The following TMEM126A variants were observed in gnomAD, a reference collection of about 807,000 sequenced individuals.
The protein encoded by TMEM126A is transmembrane protein 126A, also known as optic atrophy 7.
Under a neutral mutation model 18.3 loss-of-function variants are expected in TMEM126A, and 10 were observed. That is an observed-to-expected ratio of 0.55 (90% confidence interval 0.34 to 0.93). TMEM126A has a LOEUF of 0.93. TMEM126A is among the 40% of genes least tolerant of loss of function. The pLI, the probability that TMEM126A is intolerant of heterozygous loss-of-function variation, is 0.02. For synonymous variants in TMEM126A, 68 were observed against 78.1 expected, an observed-to-expected ratio of 0.87 and a Z score of 0.68; for missense variants, 246 against 230.2, an observed-to-expected ratio of 1.07 and a Z score of -0.44.
At chr11:85,648,971 C>G (rs568142963) in intron 1 of TMEM126A, among the ~76,000 whole-genome samples, 17 of 145,524 alleles carry the variant, frequency 1.2e-4, no homozygotes, top group African/African-American at 3.6e-4. Flanking sequence ...GAGTCTCGCT[C>G]TCACCCAGGC....
Position 85,656,295 on chromosome 11 carries a change from A to G in TMEM126A, c.396-14A>G, listed in dbSNP as rs758117858. 33 of 1,608,382 alleles carry G rather than the reference A, an allele frequency of 2.1e-5. No homozygotes were observed. The highest frequency in any genetic ancestry group is 9.9e-5 in the South Asian group (9 of 90,888). On this transcript the variant is annotated splice_polypyrimidine_tract_variant and intron_variant, in intron 4 of 4. Coordinates refer to ENST00000304511, the MANE Select transcript of TMEM126A (RefSeq NM_032273.4). ...CAATCTTTTCTATTGAACTATCTCA[A>G]TGTTTTCTTACAGGTATCAATCAGC...
chr11:85,653,634 T>C (rs2153313140), intron 2 of TMEM126A, among the ~76,000 whole-genome samples: 1 of 152,312 alleles, frequency 6.6e-6, no homozygotes, highest in East Asian at 1.9e-4. Context: ...TGCTTAAATG[T>C]TAATACTCCC....
At chr11:85,656,223 C>A in intron 4 of TMEM126A, 86 bp from the exon 5 acceptor site, 1 of 1,159,194 alleles carries the variant, frequency 8.6e-7, no homozygotes, top group Non-Finnish European at 1.3e-6. Context: ...TATCTTAAGA[C>A]TTCTAGGACT....
chr11:85,656,283 T>G (rs746585680), intron 4 of TMEM126A, 26 bp from the exon 5 acceptor site: 1 of 1,600,880 alleles, frequency 6.2e-7, no homozygotes, highest in Non-Finnish European at 8.5e-7. Flanking sequence ...TCTTTTCTAT[T>G]GAACTATCTC....
chr11:85,654,821 T>C (rs2153313455), intron 3 of TMEM126A, among the ~76,000 whole-genome samples: 1 of 151,048 alleles, frequency 6.6e-6, no homozygotes, highest in East Asian at 1.9e-4. Context: ...TGGAAATCCA[T>C]ATATACATAT....
chr11:85,649,131 C>T (rs2082482094), intron 1 of TMEM126A, among the ~76,000 whole-genome samples: 1 of 152,152 alleles, frequency 6.6e-6, no homozygotes, highest in Non-Finnish European at 1.5e-5. Flanking sequence ...CAGGGAGTTT[C>T]ACCATGTTGG....
chr11:85,652,474 C>G (rs1409678056), intron 2 of TMEM126A, among the ~76,000 whole-genome samples: 1 of 152,156 alleles, frequency 6.6e-6, no homozygotes, highest in Non-Finnish European at 1.5e-5. Context: ...TCAAAAACTT[C>G]ATTTTCTGAT....
At chr11:85,649,215 G>A (rs183850645) in intron 1 of TMEM126A, among the ~76,000 whole-genome samples, 3 of 152,312 alleles carry the variant, frequency 2.0e-5, no homozygotes, top group South Asian at 2.1e-4. Flanking sequence ...GATTACAGGC[G>A]TGAGCCACTG....
chr11:85,655,698 C>A lies in TMEM126A; in HGVS notation c.385C>A (p.Leu129Ile). ...VFLAIPVNGG[L>I]AARYQSALLP... is the part of the protein sequence containing the mutation. ...CTTGGCTATACCTGTAAATGGTGGT[C>A]TAGCAGCCAGGTAGGAAATAAAAAA... The change falls in exon 4 of 5, where the codon CTA (leucine) becomes ATA (isoleucine). Residue 129 changes from leucine (L) to isoleucine (I), a missense_variant. Leu to Ile is a conservative substitution (Grantham distance 5, BLOSUM62 2). Coordinates refer to ENST00000304511, the MANE Select transcript of TMEM126A (RefSeq NM_032273.4). 6.2e-7 allele frequency: 1 copy of A among 1,611,586 alleles called. No homozygotes were observed. Among genetic ancestry groups the A allele is most frequent in the South Asian group, 1.1e-5 (1 of 90,988 alleles).
At chr11:85,650,469 G>C (rs2082490981) in intron 2 of TMEM126A, 128 bp downstream of exon 2, 1 of 738,630 alleles carries the variant, frequency 1.4e-6, no homozygotes, top group Non-Finnish European at 2.3e-6. Context: ...CCCTTTTCTT[G>C]CCTGGATGAG....
intron 4 of TMEM126A, among the ~76,000 whole-genome samples, 161 bp downstream of exon 4, chr11:85,655,869 TATCAA>T (rs982868616): frequency 6.6e-6 from 1 of 152,190 alleles, no homozygotes; most frequent in African/African-American, 2.4e-5. Context: ...AAATTCTACT[TATCAA>T]GAATTTCAAA....
At position 85,654,264 on chromosome 11, in the gene TMEM126A, C is replaced by G; in HGVS notation, c.280+8C>G. ...GTTTTCCTTTGAATACAGGTAAATT[C>G]TACTTCACTATCACCAAAGAGTTTG... On this transcript the variant is annotated splice_region_variant and intron_variant, in intron 3 of 4. Transcript: ENST00000304511. 6.2e-7 allele frequency: 1 copy of G among 1,613,384 alleles called. No individual in the cohort carries two copies. The highest frequency in any genetic ancestry group is 8.5e-7 in the Non-Finnish European group (1 of 1,179,606).
At chr11:85,656,159 C>CAA (rs757006118) in intron 4 of TMEM126A, 150 bp from the exon 5 acceptor site, 59 of 730,462 alleles carry the variant, frequency 8.1e-5, no homozygotes, top group Non-Finnish European at 2.4e-5. Context: ...GATAAAGAAA[C>CAA]AAAAGTTTTT....
intron 1 of TMEM126A, 86 bp from the exon 2 acceptor site, chr11:85,650,163 C>A: frequency 1.3e-6 from 1 of 799,482 alleles, no homozygotes; most frequent in Non-Finnish European, 2.0e-6. Flanking sequence ...TTCAGATTAG[C>A]TCTACAGTAT....
At chr11:85,650,490 C>A in intron 2 of TMEM126A, 149 bp downstream of exon 2, 1 of 670,028 alleles carries the variant, frequency 1.5e-6, no homozygotes, top group Non-Finnish European at 2.7e-6. Context: ...AGCGTTTAAC[C>A]ATTTTGCTCA....
At chr11:85,648,438 AG>A (rs2082476635) in intron 1 of TMEM126A, among the ~76,000 whole-genome samples, 1 of 152,234 alleles carries the variant, frequency 6.6e-6, no homozygotes, top group Non-Finnish European at 1.5e-5. Context: ...GACATGAGAT[AG>A]GTAACACAAA....
intron 3 of TMEM126A, among the ~76,000 whole-genome samples, chr11:85,654,702 C>G (rs1479963250): frequency 6.6e-6 from 1 of 152,172 alleles, no homozygotes; most frequent in East Asian, 1.9e-4. Flanking sequence ...ATCCACCCGC[C>G]TTGTCTTCTC....
intron 3 of TMEM126A, 200 bp from the exon 4 acceptor site, chr11:85,655,394 C>T: frequency 2.0e-6 from 1 of 509,216 alleles, no homozygotes; most frequent in South Asian, 2.2e-5. Flanking sequence ...ACTTTTTTTC[C>T]TAAAATAGTT....
chr11:85,655,858 G>C (rs2082534104), intron 4 of TMEM126A, 150 bp downstream of exon 4: 1 of 619,988 alleles, frequency 1.6e-6, no homozygotes, highest in African/African-American at 1.8e-5. Flanking sequence ...TTCTTATAAT[G>C]AAATTCTACT....
Sources: gnomAD v4.1 joint callset for allele counts (sites outside exome capture counted in the v4.1 genomes callset) on GRCh38, gnomAD v4.1.1 for gene constraint, MANE v1.5 for transcripts, NCBI Gene and HGNC (gene_info 2026-07-23, HGNC 2026-07-21) for gene names.